TRIM40: variants seen among roughly 807,000 people sequenced by gnomAD.
TRIM40 encodes the protein E3 ubiquitin ligase TRIM40.
Under a neutral mutation model 26.1 loss-of-function variants are expected in TRIM40, and 27 were observed. The observed-to-expected ratio is 1.04, with a 90% confidence interval of 0.76 to 1.43. The LOEUF (loss-of-function observed/expected upper bound fraction) is 1.43, where lower values mean the gene tolerates loss of function less well. TRIM40 is among the 40% of genes most tolerant of loss of function. The pLI, the probability that TRIM40 is intolerant of heterozygous loss-of-function variation, is 0.00. For synonymous variants in TRIM40, 114 were observed against 120.0 expected (o/e 0.95, Z 0.33); for missense variants, 289 against 307.9 (o/e 0.94, Z 0.46).
At chr6:30,144,935 C>G (rs1771560293) in intron 2 of TRIM40, among the ~76,000 whole-genome samples, 1 of 152,216 alleles carries the variant, frequency 6.6e-6, no homozygotes, top group South Asian at 2.1e-4. Context: ...ACTTCCCACT[C>G]CTATGACTTT....
At chr6:30,139,494 C>G (rs1357978701) in intron 2 of TRIM40, among the ~76,000 whole-genome samples, 2 of 152,012 alleles carry the variant, frequency 1.3e-5, no homozygotes, top group African/African-American at 2.4e-5. Context: ...AGGCACCCAC[C>G]ACCAGGCCTA....
intron 2 of TRIM40, 41 bp from the exon 3 acceptor site, chr6:30,145,953 C>G (rs78669166): frequency 6.4e-7 from 1 of 1,563,840 alleles, no homozygotes; most frequent in East Asian, 2.2e-5. Flanking sequence ...GGGTGCCCCC[C>G]TCACTCCCAG....
intron 2 of TRIM40, among the ~76,000 whole-genome samples, chr6:30,139,330 CT>C (rs71550185): frequency 0.027 from 2,628 of 99,136 alleles, 76 homozygotes; most frequent in African/African-American, 0.068. Flanking sequence ...AGAACTGTAA[CT>C]TTTTTTTCTT....
At chr6:30,145,840 C>T (rs1215455594) in intron 2 of TRIM40, among the ~76,000 whole-genome samples, 154 bp from the exon 3 acceptor site, 1 of 152,202 alleles carries the variant, frequency 6.6e-6, no homozygotes, top group Non-Finnish European at 1.5e-5. Flanking sequence ...AAGTCCCTTA[C>T]TCCAACCATG....
chr6:30,147,053 G>A lies in TRIM40; in HGVS notation c.510G>A (p.Gln170=). 6.2e-7 allele frequency: 1 copy of A among 1,613,658 alleles called. No individual in the cohort carries two copies. The highest frequency in any genetic ancestry group is 8.5e-7 in the Non-Finnish European group (1 of 1,179,788). ...GPESQHQTRE[Q]LGALPQQWLG... is the part of the protein sequence containing the mutation. ...AGAGCCAGCACCAAACCAGGGAACA[G>A]CTGGGTGCCCTCCCTCAGCAGTGGC... is the stretch of plus-strand genomic sequence containing the variant. Residue 170 remains glutamine (Q), a synonymous_variant, in exon 4 of 6, where the codon CAG becomes CAA. Coordinates refer to ENST00000396581, the MANE Select transcript of TRIM40 (RefSeq NM_001286633.2).
chr6:30,145,684 T>C (rs1771601652), intron 2 of TRIM40, among the ~76,000 whole-genome samples: 1 of 152,216 alleles, frequency 6.6e-6, no homozygotes, highest in Non-Finnish European at 1.5e-5. Context: ...AAGACTGTCA[T>C]ATAACTTTTG....
intron 2 of TRIM40, among the ~76,000 whole-genome samples, chr6:30,139,000 C>T (rs1315414646): frequency 6.6e-6 from 1 of 152,112 alleles, no homozygotes; most frequent in Non-Finnish European, 1.5e-5. Flanking sequence ...CCTCACCTGC[C>T]GATGAAGCAG....
intron 2 of TRIM40, among the ~76,000 whole-genome samples, chr6:30,139,622 T>C (rs1331979799): frequency 6.6e-6 from 1 of 152,098 alleles, no homozygotes; most frequent in Non-Finnish European, 1.5e-5. Context: ...AACTTTTTAT[T>C]AGTTAGGAAG....
chr6:30,139,994 A>G (rs1771251598), intron 2 of TRIM40, among the ~76,000 whole-genome samples: 1 of 152,226 alleles, frequency 6.6e-6, no homozygotes, highest in Non-Finnish European at 1.5e-5. Context: ...TGGTCTTTAG[A>G]GAAATGCAAA....
chr6:30,144,863 C>T (rs1054067911), intron 2 of TRIM40, among the ~76,000 whole-genome samples: 5 of 152,170 alleles, frequency 3.3e-5, no homozygotes, highest in Admixed American at 1.3e-4. Context: ...CAAACAGTTC[C>T]ACACCAGCCT....
chr6:30,147,379 C>A, intron 4 of TRIM40, 141 bp from the exon 5 acceptor site: 1 of 1,393,432 alleles, frequency 7.2e-7, no homozygotes, highest in Non-Finnish European at 1.0e-6. Flanking sequence ...GCAGAATGGG[C>A]ACAGAAGAGG....
intron 5 of TRIM40, 22 bp from the exon 6 acceptor site, chr6:30,147,703 T>A (rs758660998): frequency 6.2e-7 from 1 of 1,612,042 alleles, no homozygotes; most frequent in Non-Finnish European, 8.5e-7. Context: ...TATTAATCTA[T>A]GAAAGATTTC....
chr6:30,146,912 A>C (rs1771696372), intron 3 of TRIM40, 73 bp from the exon 4 acceptor site: 1 of 1,433,886 alleles, frequency 7.0e-7, no homozygotes, highest in South Asian at 1.3e-5. Flanking sequence ...ATTCCTGCTC[A>C]GACATTCAGA....
At position 30,144,689 on chromosome 6, in the gene TRIM40, G is replaced by A. The variant is rs143464551; in HGVS notation, c.346-1305G>A. Among the ~76,000 whole-genome samples the A allele has an allele frequency of 8.7e-3, 1,320 of 152,212 alleles. 8 individuals are homozygous for A. Among genetic ancestry groups the A allele is most frequent in the Middle Eastern group, 0.027 (8 of 294 alleles). On this transcript the variant is annotated intron_variant, in intron 2 of 5. Transcript: ENST00000396581. ...ATCTCAGGTGACTTTGGAGAGAGAG[G>A]CTTTAAAGGAGTGATGAGAAACAAG...
At position 30,147,854 on chromosome 6, in the gene TRIM40, C is replaced by A. The variant is rs1183147830; in HGVS notation, c.*42C>A. 6.4e-7 allele frequency: 1 copy of A among 1,562,578 alleles called. No individual in the cohort carries two copies. Among genetic ancestry groups the A allele is most frequent in the Non-Finnish European group, 8.8e-7 (1 of 1,133,240 alleles). ...ACACCTCACTTCAGGCTCACCTCAGCCTCCTCTCTCTCCTTCCTCCAACCT... is the reference window on the plus strand; with the variant it reads ...ACACCTCACTTCAGGCTCACCTCAGACTCCTCTCTCTCCTTCCTCCAACCT... On this transcript the variant is annotated 3_prime_UTR_variant, in exon 6 of 6. Transcript: ENST00000396581.
At chr6:30,146,124 G>A (rs1264303702) in intron 3 of TRIM40, 35 bp downstream of exon 3, 1 of 1,549,894 alleles carries the variant, frequency 6.5e-7, no homozygotes, top group Non-Finnish European at 8.9e-7. Flanking sequence ...GGACTCCCTG[G>A]AGTGTTCTCA....
intron 3 of TRIM40, among the ~76,000 whole-genome samples, chr6:30,146,657 C>T (rs887437722): frequency 5.3e-5 from 8 of 152,112 alleles, no homozygotes; most frequent in South Asian, 4.1e-4. Context: ...GTGATCCGCC[C>T]GCCTTGGCCT....
At chr6:30,140,483 C>T (rs2127422094) in intron 2 of TRIM40, among the ~76,000 whole-genome samples, 1 of 152,218 alleles carries the variant, frequency 6.6e-6, no homozygotes, top group Admixed American at 6.5e-5. Context: ...GAAAACCAAA[C>T]ACCACATGTT....
In TRIM40 at chr6:30,145,950, C is replaced by G. The variant is rs369222963; in HGVS notation, c.346-44C>G. 2.6e-6 allele frequency: 4 copies of G among 1,534,042 alleles called. No homozygotes were observed. The African/African-American group carries it at 4.1e-5, about 16-fold the overall frequency. On this transcript the variant is annotated intron_variant, in intron 2 of 5. Coordinates refer to ENST00000396581, the MANE Select transcript of TRIM40 (RefSeq NM_001286633.2). ...CCATTGACTCCTCCCAGTGGGTGCC[C>G]CCCTCACTCCCAGTCTGACAAGCAG...
Sources: gnomAD v4.1 joint callset for allele counts (sites outside exome capture counted in the v4.1 genomes callset) on GRCh38, gnomAD v4.1.1 for gene constraint, MANE v1.5 for transcripts, NCBI Gene and HGNC (gene_info 2026-07-23, HGNC 2026-07-21) for gene names.